DST: variants seen among roughly 807,000 people sequenced by gnomAD.
DST encodes bullous pemphigoid antigen.
DST carries 253 observed loss-of-function variants against 875.2 expected under a neutral mutation model. The ratio of observed to expected loss-of-function variants is 0.29; its 90% CI spans 0.26 to 0.32. DST has a LOEUF of 0.32. Among genes scored for constraint, DST ranks in the 10% least tolerant of loss-of-function variants. The probability of loss-of-function intolerance (pLI) is 1.00; values close to 1 mark genes in which losing one functional copy is unlikely to be tolerated. For missense variants in DST, 8,287 were observed against 9,111.6 expected (o/e 0.91, Z 3.68); for synonymous variants, 3,124 against 3,197.1 (o/e 0.98, Z 0.77).
Position 56,605,947 on chromosome 6 carries a change from TTGC to T in DST, c.8678_8680del (p.Ser2893del). The T allele has an allele frequency of 6.2e-7, 1 of 1,612,804 alleles. No homozygotes were observed. Among genetic ancestry groups the T allele is most frequent in the Non-Finnish European group, 8.5e-7 (1 of 1,179,452 alleles). ...AATCTCAGTTGTATATTCTGGAAGGTTGCTTTTTTCAGTAACTAAGTTATTTTC... is the reference window on the plus strand; with the variant it reads ...AATCTCAGTTGTATATTCTGGAAGGTTTTTTTCAGTAACTAAGTTATTTTC... On this transcript the variant is annotated inframe_deletion, in exon 40 of 104. Coordinates refer to ENST00000680361, the MANE Select transcript of DST (RefSeq NM_001374736.1).
intron 4 of DST, among the ~76,000 whole-genome samples, chr6:56,768,294 T>C (rs1303194143): frequency 6.6e-6 from 1 of 152,176 alleles, no homozygotes; most frequent in Admixed American, 6.5e-5. Context: ...TCAATACCTA[T>C]TATAAAGCTA....
At chr6:56,735,154 T>C in intron 5 of DST, 74 bp downstream of exon 5, 2 of 971,466 alleles carry the variant, frequency 2.1e-6, no homozygotes, top group African/African-American at 1.6e-5. Flanking sequence ...GCTTCAGAGC[T>C]ATATAATCAA....
Position 56,604,269 on chromosome 6 carries a change from T to C in DST, c.10359A>G (p.Gln3453=), listed in dbSNP as rs1406452801. 3.7e-6 allele frequency: 6 copies of C among 1,611,792 alleles called. No homozygotes were observed. The highest frequency in any genetic ancestry group is 2.2e-5 in the East Asian group (1 of 44,804). ...ELLLNILKQD[Q]HSQKITGVFE... ...ATACTCCTGTAATTTTTTGGCTATG[T>C]TGATCTTGCTTCAATATATTAAGGA... The change falls in exon 40 of 104, where the codon CAA becomes CAG. Residue 3453 remains glutamine, a synonymous_variant. Coordinates refer to ENST00000680361, the MANE Select transcript of DST (RefSeq NM_001374736.1).
At chr6:56,620,744 C>T in intron 36 of DST, 2 of 1,584,224 alleles carry the variant, frequency 1.3e-6, no homozygotes, top group Non-Finnish European at 1.7e-6. Context: ...AAGTGTCAAG[C>T]CTGTTCTGTT....
At chr6:56,895,160 ACCC>A (rs1159715556) in intron 3 of DST, among the ~76,000 whole-genome samples, 3 of 57,284 alleles carry the variant, frequency 5.2e-5, no homozygotes, top group African/African-American at 1.2e-4. Context: ...CGGGGGGCTG[ACCC>A]CCCCCACCTC....
At position 56,608,054 on chromosome 6, in the gene DST, G is replaced by A; in HGVS notation, c.6574C>T (p.Gln2192Ter). The change falls in exon 40 of 104, where the codon CAG (glutamine) becomes TAG (stop). Residue 2192 changes from glutamine (Q) to a stop codon, truncating the protein, a stop_gained. Transcript: ENST00000680361. LOFTEE classifies it high-confidence loss of function. Reference protein sequence around the residue: ...VFDGEEPVTTQTSEETKKLFL... With the variant: ...VFDGEEPVTT The stretch of plus-strand genomic sequence containing the variant: ...AATTTTTTAGTTTCTTCTGAGGTCT[G>A]AGTAGTGACAGGTTCTTCTCCATCA... 6.2e-7 allele frequency: 1 copy of A among 1,613,390 alleles called. No homozygotes were observed. Among genetic ancestry groups the A allele is most frequent in the Non-Finnish European group, 8.5e-7 (1 of 1,179,604 alleles).
Position 56,718,665 on chromosome 6 carries a change from A to G in DST, c.688-14296T>C, listed in dbSNP as rs4715638. ...AAAGTGGCAAAAAACCCAGATGTCC[A>G]TCAACTCTTAGGTGGACATATAAAA... On this transcript the variant is annotated intron_variant, in intron 5 of 103. Coordinates refer to ENST00000680361, the MANE Select transcript of DST (RefSeq NM_001374736.1). Among the ~76,000 whole-genome samples, 209 of 152,360 alleles carry G rather than the reference A, an allele frequency of 1.4e-3. 2 individuals are homozygous for G. In the East Asian group the frequency reaches 0.023, roughly 17 times the overall value.
intron 63 of DST, among the ~76,000 whole-genome samples, chr6:56,534,291 G>A (rs1210324877): frequency 6.6e-6 from 1 of 152,024 alleles, no homozygotes; most frequent in Non-Finnish European, 1.5e-5. Context: ...GTTCCAGAGG[G>A]GAGAAACCTT....
intron 34 of DST, among the ~76,000 whole-genome samples, chr6:56,626,584 G>A (rs1179734738): frequency 6.6e-6 from 1 of 152,054 alleles, no homozygotes; most frequent in Non-Finnish European, 1.5e-5. Context: ...ACCTAACAAC[G>A]CATTTCTCGG....
chr6:56,652,876 C>A (rs1357091515), intron 10 of DST, among the ~76,000 whole-genome samples: 1 of 152,150 alleles, frequency 6.6e-6, no homozygotes, highest in Non-Finnish European at 1.5e-5. Flanking sequence ...TAACAGACCT[C>A]CAAAAGTAAC....
At chr6:56,513,174 A>G (rs1217708115) in intron 72 of DST, among the ~76,000 whole-genome samples, 1 of 151,540 alleles carries the variant, frequency 6.6e-6, no homozygotes, top group Non-Finnish European at 1.5e-5. Flanking sequence ...GTCTAGGTAG[A>G]TCTCACCTGT....
intron 5 of DST, among the ~76,000 whole-genome samples, chr6:56,721,729 C>T (rs909992443): frequency 2.0e-5 from 3 of 152,200 alleles, no homozygotes; most frequent in African/African-American, 7.2e-5. Flanking sequence ...GGTAGAAAAT[C>T]ACATTCATAG....
At chr6:56,790,606 C>G (rs1260500824) in intron 4 of DST, among the ~76,000 whole-genome samples, 1 of 152,132 alleles carries the variant, frequency 6.6e-6, no homozygotes, top group Admixed American at 6.5e-5. Context: ...GGTCATTAAT[C>G]ACTAAATATG....
chr6:56,672,151 C>T (rs955989061), intron 9 of DST, among the ~76,000 whole-genome samples: 2 of 152,180 alleles, frequency 1.3e-5, no homozygotes, highest in Admixed American at 1.3e-4. Context: ...TCCCAGCTGC[C>T]ACAGAGCCAG....
chr6:56,783,405 C>T (rs2099698370), intron 4 of DST, among the ~76,000 whole-genome samples: 1 of 152,070 alleles, frequency 6.6e-6, no homozygotes, highest in South Asian at 2.1e-4. Context: ...AATCTGGGTG[C>T]TCCTGTATTG....
rs1157790334 is a variant in DST at position 56,607,303 on chromosome 6, T to C, written c.7325A>G (p.Asp2442Gly). 4 of 1,613,408 alleles carry C rather than the reference T, an allele frequency of 2.5e-6. No homozygotes were observed. The highest frequency in any genetic ancestry group is 3.3e-5 in the Admixed American group (2 of 59,930). Reference sequence around the variant, plus strand: ...ACTTCCCTGACTGTGCATCAATTTATCATGACTTAACAAGGCACTTAGCCT... The same window carrying C: ...ACTTCCCTGACTGTGCATCAATTTACCATGACTTAACAAGGCACTTAGCCT... The part of the protein sequence containing the change: ...SPRLSALLSH[D>G]KLMHSQGSFN... The change falls in exon 40 of 104, where the codon GAT (aspartate) becomes GGT (glycine). Residue 2442 changes from aspartate to glycine, a missense_variant. Around this residue, in one of 10 missense-constraint regions of DST, gnomAD observed 3,138 missense variants for 3,116.6 expected, o/e 1.01. Coordinates refer to ENST00000680361, the MANE Select transcript of DST (RefSeq NM_001374736.1).
chr6:56,484,743 T>C (rs1223746817), intron 88 of DST: 2 of 152,488 alleles, frequency 1.3e-5, no homozygotes, highest in Non-Finnish European at 2.9e-5. Context: ...TTTACATGCA[T>C]ATCAGGAGAT....
intron 4 of DST, among the ~76,000 whole-genome samples, chr6:56,801,045 A>C (rs2099746172): frequency 6.6e-6 from 1 of 151,792 alleles, no homozygotes; most frequent in South Asian, 2.1e-4. Context: ...AAAAAAAAAA[A>C]ACCTCCTATC....
intron 4 of DST, among the ~76,000 whole-genome samples, chr6:56,789,157 CCT>C (rs1387925675): frequency 6.6e-6 from 1 of 151,984 alleles, no homozygotes; most frequent in Non-Finnish European, 1.5e-5. Context: ...ATAGTGAGAC[CCT>C]GTTTCTATAA....
Sources: gnomAD v4.1 joint callset for allele counts (sites outside exome capture counted in the v4.1 genomes callset) on GRCh38, gnomAD v4.1.1 for gene constraint, gnomAD v4.1.1 regional missense constraint, MANE v1.5 for transcripts, NCBI Gene and HGNC (gene_info 2026-07-23, HGNC 2026-07-21) for gene names.